The following RALGPS1 variants were observed in gnomAD, a reference collection of about 807,000 sequenced individuals.
RALGPS1 encodes the protein Ral GEF with PH domain and SH3 binding motif 1, also known as ras-specific guanine nucleotide-releasing factor RalGPS1.
RALGPS1 carries 19 observed loss-of-function variants against 78.8 expected under a neutral mutation model. The ratio of observed to expected loss-of-function variants is 0.24; its 90% CI spans 0.17 to 0.35. RALGPS1 has a LOEUF of 0.35. RALGPS1 is among the 10% of genes least tolerant of loss of function. The pLI is 1.00. For synonymous variants in RALGPS1, 228 were observed against 256.3 expected, an observed-to-expected ratio of 0.89 and a Z score of 1.06; for missense variants, 454 against 688.3, an observed-to-expected ratio of 0.66 and a Z score of 3.81.
intron 4 of RALGPS1, among the ~76,000 whole-genome samples, chr9:126,986,962 C>T (rs1451774452): frequency 2.0e-5 from 3 of 152,124 alleles, no homozygotes; most frequent in Admixed American, 6.5e-5. Context: ...GAACTTAGCG[C>T]GGTGCCTGTA....
intron 5 of RALGPS1, among the ~76,000 whole-genome samples, chr9:127,043,219 C>A (rs555291083): frequency 9.8e-5 from 15 of 152,302 alleles, no homozygotes; most frequent in African/African-American, 3.6e-4. Context: ...TCAGCACTTA[C>A]TGTAAAGCTA....
In RALGPS1 at chr9:127,012,156, T is replaced by G. The variant is rs568347760; in HGVS notation, c.217-22275T>G. On this transcript the variant is annotated intron_variant, in intron 4 of 18. Coordinates refer to ENST00000259351, the MANE Select transcript of RALGPS1 (RefSeq NM_014636.3). ...TTCTCCTGAGTGTAGGTATTGAGGG[T>G]GTGAATCTTCAGATTCAGACTGGCT... is the stretch of plus-strand genomic sequence containing the variant. 2.0e-5 allele frequency among the ~76,000 whole-genome samples: 3 copies of G among 152,282 alleles called. No individual in the cohort carries two copies. In the East Asian group the frequency reaches 5.8e-4, roughly 29 times the overall value.
chr9:127,111,683 G>T (rs1233935090), intron 8 of RALGPS1, among the ~76,000 whole-genome samples: 1 of 152,218 alleles, frequency 6.6e-6, no homozygotes, highest in East Asian at 1.9e-4. Context: ...GTGTTTTCCA[G>T]TTTCCCGTGT....
At chr9:127,182,566 A>T (rs1411780694) in intron 11 of RALGPS1, among the ~76,000 whole-genome samples, 1 of 151,548 alleles carries the variant, frequency 6.6e-6, no homozygotes, top group Non-Finnish European at 1.5e-5. Flanking sequence ...AGTAGCTGGG[A>T]TTACAGTCGC....
intron 8 of RALGPS1, among the ~76,000 whole-genome samples, chr9:127,136,341 T>C (rs1314629769): frequency 6.6e-6 from 1 of 152,184 alleles, no homozygotes; most frequent in Non-Finnish European, 1.5e-5. Context: ...AGAGATGATT[T>C]GGTGAAGTGA....
At chr9:126,962,996 A>T (rs1421148641) in intron 2 of RALGPS1, among the ~76,000 whole-genome samples, 3 of 152,204 alleles carry the variant, frequency 2.0e-5, no homozygotes, top group African/African-American at 7.2e-5. Context: ...ATCCTGGGTA[A>T]CCTGCCAAAA....
At chr9:127,093,933 A>ACACAGACATGCATATACAT (rs763024002) in intron 8 of RALGPS1, 2 of 1,613,056 alleles carry the variant, frequency 1.2e-6, no homozygotes. Flanking sequence ...GGGCCTGGGG[A>ACACAGACATGCATATACAT]CACAGACATG....
chr9:126,947,063 G>T (rs1013650402), intron 1 of RALGPS1, among the ~76,000 whole-genome samples: 1 of 152,136 alleles, frequency 6.6e-6, no homozygotes, highest in African/African-American at 2.4e-5. Flanking sequence ...CCCTTTCCTG[G>T]TCTTCAGAGA....
chr9:127,069,510 G>T (rs1287533149), intron 8 of RALGPS1, 154 bp downstream of exon 8: 31 of 764,800 alleles, frequency 4.1e-5, no homozygotes, highest in Non-Finnish European at 6.0e-5. Context: ...ACAGGCTGTT[G>T]GTACTTCCCA....
Position 127,205,697 on chromosome 9 carries a change from A to T in RALGPS1, c.1248-6434A>T, listed in dbSNP as rs1384018313. ...GCTTTACCCCTCCCCACTCTCTCTC[A>T]GACAAGATTTCTGAACTTCTCAGTG... On this transcript the variant is annotated intron_variant, in intron 14 of 18. Transcript: ENST00000259351. The surrounding 1 kb of genome is among the most constrained non-coding windows in gnomAD (Gnocchi z 4.0). Among the ~76,000 whole-genome samples the T allele has an allele frequency of 6.6e-6, 1 of 152,176 alleles. No individual in the cohort carries two copies. Among genetic ancestry groups the T allele is most frequent in the Non-Finnish European group, 1.5e-5 (1 of 68,028 alleles).
At position 127,212,361 on chromosome 9, in the gene RALGPS1, C is replaced by T. The variant is rs532032061; in HGVS notation, c.1353+125C>T. ...GGCTCTGCTTGCAGTGGGCATGCAGCGAGCTGAACTCTCAGGAATTATACC... is the reference window on the plus strand; with the variant it reads ...GGCTCTGCTTGCAGTGGGCATGCAGTGAGCTGAACTCTCAGGAATTATACC... On this transcript the variant is annotated intron_variant, in intron 15 of 18. Transcript: ENST00000259351. This position sits in a 1 kb window ranked among gnomAD's most constrained non-coding sequence, Gnocchi z 6.0. 1.8e-5 allele frequency: 13 copies of T among 729,982 alleles called. No homozygotes were observed. The highest frequency in any genetic ancestry group is 3.8e-5 in the South Asian group (2 of 52,412). The allele number at this position is 729,982 out of a possible 1,614,324, so 45.2% of individuals were successfully genotyped here.
chr9:127,102,874 A>C (rs2053871443), intron 8 of RALGPS1, among the ~76,000 whole-genome samples: 1 of 152,218 alleles, frequency 6.6e-6, no homozygotes, highest in Admixed American at 6.5e-5. Flanking sequence ...AACCTTTTAG[A>C]ATAAAAGAAA....
At chr9:127,111,115 C>T (rs2054768410) in intron 8 of RALGPS1, among the ~76,000 whole-genome samples, 1 of 152,204 alleles carries the variant, frequency 6.6e-6, no homozygotes, top group Admixed American at 6.5e-5. Context: ...TCATCTCCTC[C>T]AACCACCTGG....
chr9:126,938,802 G>A (rs2036501540), intron 1 of RALGPS1, among the ~76,000 whole-genome samples: 1 of 152,232 alleles, frequency 6.6e-6, no homozygotes, highest in African/African-American at 2.4e-5. Context: ...TCTAAAAGCT[G>A]TAGGAGAAGG....
intron 4 of RALGPS1, among the ~76,000 whole-genome samples, chr9:126,998,328 C>A (rs999320733): frequency 6.6e-6 from 1 of 151,888 alleles, no homozygotes. Flanking sequence ...AAGAAAAAAA[C>A]AAACAACCCC....
At chr9:127,096,181 G>C (rs562717295) in intron 8 of RALGPS1, among the ~76,000 whole-genome samples, 5 of 152,334 alleles carry the variant, frequency 3.3e-5, no homozygotes, top group South Asian at 4.1e-4. Context: ...CCCAGGGAAG[G>C]GGAGGCTAGA....
At chr9:127,159,360 A>T (rs929580438) in intron 8 of RALGPS1, among the ~76,000 whole-genome samples, 7 of 152,098 alleles carry the variant, frequency 4.6e-5, no homozygotes, top group African/African-American at 1.7e-4. Context: ...GCTTCCCTGG[A>T]CTTCAGGATT....
chr9:127,178,436 G>A (rs1359004269), intron 11 of RALGPS1: 31 of 1,054,284 alleles, frequency 2.9e-5, no homozygotes, highest in Non-Finnish European at 3.4e-5. Context: ...ACAGGGTAGT[G>A]TTGTTATTAG....
At chr9:126,921,445 C>T (rs977281881) in intron 1 of RALGPS1, among the ~76,000 whole-genome samples, 1 of 152,206 alleles carries the variant, frequency 6.6e-6, no homozygotes, top group Non-Finnish European at 1.5e-5. Flanking sequence ...ATGACTTCTC[C>T]CCAAGGAGAG....
Sources: allele counts gnomAD v4.1 joint callset (sites outside exome capture counted in the v4.1 genomes callset), GRCh38; gene constraint gnomAD v4.1.1; non-coding constraint Gnocchi (gnomAD v3.1); transcripts MANE v1.5; gene names NCBI Gene and HGNC (gene_info 2026-07-23, HGNC 2026-07-21).